The following ITIH6 variants were observed in gnomAD, a reference collection of about 807,000 sequenced individuals.
The protein encoded by ITIH6 is inter-alpha-trypsin inhibitor heavy chain family member 6.
ITIH6 carries 60 observed loss-of-function variants against 58.2 expected under a neutral mutation model. The observed-to-expected ratio is 1.03, with a 90% confidence interval of 0.84 to 1.28. The LOEUF is 1.28. Among genes scored for constraint, ITIH6 ranks in the 50% most tolerant of loss-of-function variants. The pLI, the probability that ITIH6 is intolerant of heterozygous loss-of-function variation, is 0.00. For missense variants in ITIH6, 1,290 were observed against 1,021.1 expected, an observed-to-expected ratio of 1.26 and a Z score of -3.59; for synonymous variants, 493 against 417.4, an observed-to-expected ratio of 1.18 and a Z score of -2.21.
intron 5 of ITIH6, among the ~76,000 whole-genome samples, chrX:54,774,625 G>C (rs924474053): frequency 2.7e-5 from 3 of 113,020 alleles, no homozygotes; most frequent in African/African-American, 9.6e-5. Context: ...GCTGCCAGGG[G>C]CTGGGAGTTG....
At chrX:54,794,675 C>G (rs1417208521) in intron 2 of ITIH6, among the ~76,000 whole-genome samples, 1 of 111,355 alleles carries the variant, frequency 9.0e-6, no homozygotes, top group African/African-American at 3.3e-5. Context: ...AGCCTAGGCC[C>G]ACCCCAGGGC....
At chrX:54,763,492 T>C (rs1335216044) in intron 6 of ITIH6, among the ~76,000 whole-genome samples, 1 of 112,294 alleles carries the variant, frequency 8.9e-6, no homozygotes, top group African/African-American at 3.2e-5. Context: ...AATTCTAGTT[T>C]AATTCCATTT....
intron 6 of ITIH6, among the ~76,000 whole-genome samples, chrX:54,761,552 A>C (rs1928645635): frequency 9.0e-6 from 1 of 111,479 alleles, no homozygotes; most frequent in African/African-American, 3.3e-5. Flanking sequence ...GTTTTCTTCT[A>C]GGGTTTTTAT....
chrX:54,768,887 G>C (rs1475759387), intron 6 of ITIH6, among the ~76,000 whole-genome samples: 1 of 108,281 alleles, frequency 9.2e-6, no homozygotes, highest in Non-Finnish European at 1.9e-5. Flanking sequence ...GAGTATCTTT[G>C]TGGTGTTCTC....
At position 54,751,015 on chromosome X, in the gene ITIH6, G is replaced by A. The variant is rs769134048; in HGVS notation, c.3718C>T (p.Arg1240Cys). 6.0e-6 allele frequency: 7 copies of A among 1,158,814 alleles called. No individual in the cohort carries two copies. Among genetic ancestry groups the A allele is most frequent in the East Asian group, 6.3e-5 (2 of 31,756 alleles). ...CAGCTGCACTTACCTATCAGGCCACGGGCTGAGGGGCTGAGGCCTGAGCCA... is the reference window on the plus strand; with the variant it reads ...CAGCTGCACTTACCTATCAGGCCACAGGCTGAGGGGCTGAGGCCTGAGCCA... ...ANGSGLSPSA[R>C]GLIGQFQHAD... Residue 1240 changes from arginine (R) to cysteine (C), a missense_variant, in exon 12 of 13, where the codon CGT (arginine) becomes TGT (cysteine). Physicochemically the swap from Arg to Cys is radical, Grantham distance 180. Transcript: ENST00000218436.
intron 6 of ITIH6, among the ~76,000 whole-genome samples, chrX:54,770,781 A>T (rs901548525): frequency 2.7e-5 from 3 of 112,414 alleles, no homozygotes; most frequent in Non-Finnish European, 5.6e-5. Context: ...ACCTTCATTT[A>T]TTCCTTCTCC....
chrX:54,793,030 T>C (rs1319161878), intron 2 of ITIH6, among the ~76,000 whole-genome samples: 2 of 111,427 alleles, frequency 1.8e-5, no homozygotes, highest in Admixed American at 9.5e-5. Context: ...GGTGATGTCA[T>C]TTAGCACCAT....
Position 54,750,105 on chromosome X carries a change from C to T in ITIH6, c.3732G>A (p.Gly1244=). Reference sequence around the variant, plus strand: ...GTCGGATGTCTGCGTGCTGGAACTGCCCTGAGGGAGAGAGATGCAGTGCTA... The same window carrying T: ...GTCGGATGTCTGCGTGCTGGAACTGTCCTGAGGGAGAGAGATGCAGTGCTA... ...GLSPSARGLI[G]QFQHADIRLV... The change falls in exon 13 of 13, where the codon GGG becomes GGA. Residue 1244 remains glycine, a splice_region_variant and synonymous_variant. Transcript: ENST00000218436. The T allele has an allele frequency of 2.5e-6, 3 of 1,197,582 alleles. No homozygotes were observed. Among genetic ancestry groups the T allele is most frequent in the South Asian group, 1.8e-5 (1 of 55,048 alleles).
At chrX:54,755,849 G>A (rs1365152686) in intron 8 of ITIH6, among the ~76,000 whole-genome samples, 1 of 110,978 alleles carries the variant, frequency 9.0e-6, no homozygotes, top group Non-Finnish European at 1.9e-5. Flanking sequence ...TTCATTCTAA[G>A]TACGATGGGA....
chrX:54,771,652 T>G (rs1421036010), intron 6 of ITIH6, among the ~76,000 whole-genome samples: 1 of 111,660 alleles, frequency 9.0e-6, no homozygotes, highest in Non-Finnish European at 1.9e-5. Context: ...AATTCTTGGT[T>G]TGACCCATTA....
chrX:54,788,652 G>C lies in ITIH6; in HGVS notation c.617-3C>G, dbSNP rs958622271. 2.6e-5 allele frequency: 31 copies of C among 1,199,243 alleles called. No individual in the cohort carries two copies. The highest frequency in any genetic ancestry group is 3.3e-5 in the Non-Finnish European group (29 of 886,281). On this transcript the variant is annotated splice_region_variant and splice_polypyrimidine_tract_variant and intron_variant, in intron 4 of 12. Coordinates refer to ENST00000218436, the MANE Select transcript of ITIH6 (RefSeq NM_198510.3). Reference sequence around the variant, plus strand: ...GGATGGGGGTGAATCCACCTCACCTGTATGGGTGGGGAGGATCGGGGCGGG... The same window carrying C: ...GGATGGGGGTGAATCCACCTCACCTCTATGGGTGGGGAGGATCGGGGCGGG...
chrX:54,797,041 G>A lies in ITIH6; in HGVS notation c.158C>T (p.Thr53Ile). The A allele has an allele frequency of 8.3e-7, 1 of 1,210,234 alleles. No individual in the cohort carries two copies. Among genetic ancestry groups the A allele is most frequent in the Non-Finnish European group, 1.1e-6 (1 of 894,142 alleles). The change falls in exon 2 of 13, where the codon ACC becomes ATC. Residue 53 changes from threonine (T) to isoleucine (I), a missense_variant. By Grantham distance (89) the Thr-to-Ile change is moderately conservative. Coordinates refer to ENST00000218436, the MANE Select transcript of ITIH6 (RefSeq NM_198510.3). ...RSTVVSRYAH[T>I]LVTSVLFNPH... is the part of the protein sequence containing the mutation. ...ATTAAACAGGACAGAGGTGACCAAG[G>A]TGTGGGCATAGCGAGACACCACCGT...
chrX:54,759,122 C>A, intron 7 of ITIH6, 124 bp from the exon 8 acceptor site: 1 of 500,303 alleles, frequency 2.0e-6, no homozygotes, highest in Non-Finnish European at 3.2e-6. Flanking sequence ...GCTGTATCCA[C>A]TGTTTCTCCT....
intron 6 of ITIH6, among the ~76,000 whole-genome samples, chrX:54,765,645 A>G (rs193050341): frequency 0.1 from 9,548 of 95,519 alleles, 1,288 homozygotes; most frequent in African/African-American, 0.36. Context: ...TGCCCAGGCC[A>G]GACTGCGGAC....
At position 54,790,839 on chromosome X, in the gene ITIH6, G is replaced by A; in HGVS notation, c.614C>T (p.Ala205Val). 1.7e-6 allele frequency: 2 copies of A among 1,211,869 alleles called. No individual in the cohort carries two copies. Among genetic ancestry groups the A allele is most frequent in the African/African-American group, 3.5e-5 (2 of 57,935 alleles). Residue 205 changes from alanine to valine, a missense_variant and splice_region_variant, in exon 4 of 13, where the codon GCA becomes GTA. By Grantham distance (64) the Ala-to-Val change is moderately conservative. Transcript: ENST00000218436. ...RTGRLRTNAH[A>V]SEVDSPPSTR... The stretch of plus-strand genomic sequence containing the variant: ...GACCCATAGTGCTGCCCACATACTT[G>A]CATGGGCATTGGTGCGCAGACGGCC...
At chrX:54,792,586 T>G (rs6521790) in intron 2 of ITIH6, among the ~76,000 whole-genome samples, 8,252 of 110,577 alleles carry the variant, frequency 0.075, 769 homozygotes, top group African/African-American at 0.26. Flanking sequence ...CTGTGGGTGG[T>G]AAAAGTGGTA....
At chrX:54,796,451 C>T (rs867072130) in intron 2 of ITIH6, among the ~76,000 whole-genome samples, 1 of 109,777 alleles carries the variant, frequency 9.1e-6, no homozygotes, top group Non-Finnish European at 1.9e-5. Context: ...TTTGGGAGGC[C>T]GAGGTGGGCA....
In ITIH6 at chrX:54,759,745, C is replaced by G; in HGVS notation, c.1075+11G>C. On this transcript the variant is annotated intron_variant, in intron 7 of 12. Coordinates refer to ENST00000218436, the MANE Select transcript of ITIH6 (RefSeq NM_198510.3). Reference sequence around the variant, plus strand: ...AGCCTGCCCATTTGGGTGGGTAGATCTAACACTTACAGCCATCGGCTTCCA... The same window carrying G: ...AGCCTGCCCATTTGGGTGGGTAGATGTAACACTTACAGCCATCGGCTTCCA... 1 of 1,198,027 alleles carries G rather than the reference C, an allele frequency of 8.3e-7. No homozygotes were observed. Among genetic ancestry groups the G allele is most frequent in the Non-Finnish European group, 1.1e-6 (1 of 887,502 alleles).
Position 54,759,932 on chromosome X carries a change from G to T in ITIH6, c.904-5C>A. ...CACATTCATGGCCGTTTTAGTCTGT[G>T]GGATATGGATGAAATGAAGAGAATG... On this transcript the variant is annotated splice_region_variant and splice_polypyrimidine_tract_variant and intron_variant, in intron 6 of 12. Transcript: ENST00000218436. 1 of 1,198,600 alleles carries T rather than the reference G, an allele frequency of 8.3e-7. No homozygotes were observed. The highest frequency in any genetic ancestry group is 1.1e-6 in the Non-Finnish European group (1 of 886,508).
Sources: allele counts gnomAD v4.1 joint callset (sites outside exome capture counted in the v4.1 genomes callset), GRCh38; gene constraint gnomAD v4.1.1; transcripts MANE v1.5; gene names NCBI Gene and HGNC (gene_info 2026-07-23, HGNC 2026-07-21).